UIMC1: variants seen among roughly 807,000 people sequenced by gnomAD.
UIMC1 encodes the protein ubiquitin interaction motif containing 1.
A neutral mutation model predicts 84.9 loss-of-function variants in UIMC1; 42 were observed. The ratio of observed to expected loss-of-function variants is 0.49; its 90% CI spans 0.39 to 0.64. UIMC1 has a LOEUF of 0.64. Among genes scored for constraint, UIMC1 ranks in the 30% least tolerant of loss-of-function variants. The pLI, the probability that UIMC1 is intolerant of heterozygous loss-of-function variation, is 0.00. For synonymous variants in UIMC1, 281 were observed against 293.0 expected, an observed-to-expected ratio of 0.96 and a Z score of 0.42; for missense variants, 825 against 847.6, an observed-to-expected ratio of 0.97 and a Z score of 0.33.
intron 10 of UIMC1, among the ~76,000 whole-genome samples, chr5:176,932,071 T>C (rs1337404464): frequency 6.6e-6 from 1 of 152,184 alleles, no homozygotes. Flanking sequence ...GTAAAATGCA[T>C]GCAGTGTAAC....
chr5:176,905,940 C>G, intron 14 of UIMC1, 71 bp downstream of exon 14: 9 of 1,537,260 alleles, frequency 5.9e-6, no homozygotes, highest in Non-Finnish European at 7.2e-6. Context: ...ACACTACACA[C>G]AGAACACAGG....
chr5:176,950,699 G>A (rs995568296), intron 9 of UIMC1, among the ~76,000 whole-genome samples: 29 of 151,698 alleles, frequency 1.9e-4, no homozygotes, highest in Non-Finnish European at 3.4e-4. Flanking sequence ...GTGAAACCCC[G>A]TCTCTACTAA....
At chr5:176,956,982 A>G (rs1051416393) in intron 7 of UIMC1, among the ~76,000 whole-genome samples, 1 of 152,198 alleles carries the variant, frequency 6.6e-6, no homozygotes, top group South Asian at 2.1e-4. Flanking sequence ...ATTTTCTGAC[A>G]TTTATAAAAT....
At chr5:176,959,968 T>C (rs1767130415) in intron 6 of UIMC1, among the ~76,000 whole-genome samples, 1 of 151,934 alleles carries the variant, frequency 6.6e-6, no homozygotes, top group South Asian at 2.1e-4. Flanking sequence ...AAGGTAGAGG[T>C]TGCAGTGAGC....
chr5:176,981,320 A>G (rs770672743), intron 2 of UIMC1, among the ~76,000 whole-genome samples: 1 of 151,576 alleles, frequency 6.6e-6, no homozygotes, highest in Non-Finnish European at 1.5e-5. Context: ...AATTTTTTGT[A>G]TTTTTAGTAG....
At chr5:176,977,223 C>CAAAAA (rs1016279747) in intron 2 of UIMC1, among the ~76,000 whole-genome samples, 2 of 71,622 alleles carry the variant, frequency 2.8e-5, no homozygotes, top group South Asian at 4.6e-4. Context: ...GATTCTGTCT[C>CAAAAA]AAAAAAAAAA....
At chr5:176,937,701 T>C (rs6869225) in intron 10 of UIMC1, among the ~76,000 whole-genome samples, 4,241 of 152,244 alleles carry the variant, frequency 0.028, 212 homozygotes, top group African/African-American at 0.096. Flanking sequence ...TAGGCATAAA[T>C]AGTAGACACT....
At chr5:176,959,272 A>T (rs933717469) in intron 6 of UIMC1, among the ~76,000 whole-genome samples, 1 of 152,194 alleles carries the variant, frequency 6.6e-6, no homozygotes. Context: ...AGAGAAAGAG[A>T]ATGCTGACAC....
At position 176,969,638 on chromosome 5, in the gene UIMC1, G is replaced by C. The variant is rs1396355682; in HGVS notation, c.426C>G (p.Ser142=). 6.2e-7 allele frequency: 1 copy of C among 1,614,116 alleles called. No homozygotes were observed. The highest frequency in any genetic ancestry group is 1.7e-5 in the Admixed American group (1 of 60,006). ...RPLATGPSSQ[S]HQEKTTDSGL... ...CAGAGTCTGTGGTTTTCTCTTGATG[G>C]GACTGGGAAGACGGTCCAGTGGCCA... Residue 142 remains serine (S), a synonymous_variant, in exon 5 of 15, where the codon TCC becomes TCG. Coordinates refer to ENST00000511320, the MANE Select transcript of UIMC1 (RefSeq NM_001199298.2).
intron 1 of UIMC1, among the ~76,000 whole-genome samples, chr5:176,988,979 C>A (rs1366385477): frequency 9.2e-5 from 14 of 152,034 alleles, no homozygotes; most frequent in Admixed American, 8.5e-4. Flanking sequence ...CCGTGCCCAG[C>A]CTGTTAGGTG....
chr5:176,966,479 G>C (rs377432069), intron 6 of UIMC1, among the ~76,000 whole-genome samples: 2 of 151,960 alleles, frequency 1.3e-5, no homozygotes, highest in African/African-American at 2.4e-5. Context: ...AAGAAAGACA[G>C]AATAACATAA....
chr5:176,982,167 T>C (rs1771160529), intron 2 of UIMC1, among the ~76,000 whole-genome samples: 1 of 152,214 alleles, frequency 6.6e-6, no homozygotes, highest in Non-Finnish European at 1.5e-5. Context: ...TTCCTCTCAC[T>C]TTCTAGACAC....
At chr5:176,990,623 T>A (rs977658930) in intron 1 of UIMC1, among the ~76,000 whole-genome samples, 2 of 152,180 alleles carry the variant, frequency 1.3e-5, no homozygotes, top group African/African-American at 4.8e-5. Flanking sequence ...AAAAAACACA[T>A]GCAACTTTGT....
intron 10 of UIMC1, among the ~76,000 whole-genome samples, chr5:176,915,600 C>T (rs1208795604): frequency 1.3e-5 from 2 of 151,450 alleles, no homozygotes; most frequent in African/African-American, 2.4e-5. Flanking sequence ...GGATTACAGG[C>T]GCCTGCCACC....
rs1759185583 is a variant in UIMC1 at position 176,905,155 on chromosome 5, G to A, written c.*127C>T. The A allele has an allele frequency of 3.5e-6, 3 of 851,214 alleles. No homozygotes were observed. The highest frequency in any genetic ancestry group is 5.4e-6 in the Non-Finnish European group (3 of 553,300). 52.7% of individuals were successfully genotyped at this position (851,214 alleles called of 1,614,324 possible). On this transcript the variant is annotated 3_prime_UTR_variant, in exon 15 of 15. Transcript: ENST00000511320. ...AAAAACATAAAAACCAGAATGCTGG[G>A]TAGGTGCTGGTGGTGAAAACTGCAG...
chr5:176,942,799 A>C (rs2149442240), intron 10 of UIMC1, among the ~76,000 whole-genome samples: 1 of 151,734 alleles, frequency 6.6e-6, no homozygotes, highest in African/African-American at 2.4e-5. Context: ...TCACACCTGT[A>C]ATCTCAGCAC....
intron 1 of UIMC1, among the ~76,000 whole-genome samples, chr5:176,984,793 C>T (rs1189911363): frequency 2.0e-5 from 3 of 152,150 alleles, no homozygotes; most frequent in Admixed American, 6.6e-5. Flanking sequence ...TAACCTTACC[C>T]CCAACCCCGT....
intron 9 of UIMC1, among the ~76,000 whole-genome samples, chr5:176,944,884 C>CACT (rs1239418991): frequency 6.6e-6 from 1 of 152,190 alleles, no homozygotes; most frequent in African/African-American, 2.4e-5. Context: ...TGAGTTCTTA[C>CACT]ACTATGCAGG....
intron 3 of UIMC1, among the ~76,000 whole-genome samples, chr5:176,973,008 C>T (rs1769502179): frequency 6.6e-6 from 1 of 151,100 alleles, no homozygotes; most frequent in Non-Finnish European, 1.5e-5. Context: ...CTCTGCCTCC[C>T]AGGTTCAAGC....
Sources: allele counts gnomAD v4.1 joint callset (sites outside exome capture counted in the v4.1 genomes callset), GRCh38; gene constraint gnomAD v4.1.1; transcripts MANE v1.5; gene names NCBI Gene and HGNC (gene_info 2026-07-23, HGNC 2026-07-21).